KLHL4: variants seen among roughly 807,000 people sequenced by gnomAD.
KLHL4 encodes kelch like family member 4.
In KLHL4, 17 loss-of-function variants were observed where a neutral mutation model predicts 45.8. The observed-to-expected ratio is 0.37, with a 90% CI of 0.25 to 0.56. KLHL4 has a LOEUF of 0.56. Ranked by LOEUF, KLHL4 falls within the 20% of genes least tolerant of loss-of-function variation. KLHL4 has a pLI of 0.79. For missense variants in KLHL4, 544 were observed against 544.9 expected, an observed-to-expected ratio of 1.00 and a Z score of 0.02; for synonymous variants, 224 against 189.9, an observed-to-expected ratio of 1.18 and a Z score of -1.47.
intron 1 of KLHL4, among the ~76,000 whole-genome samples, chrX:87,519,155 T>C (rs1163862367): frequency 3.6e-5 from 4 of 112,068 alleles, no homozygotes; most frequent in African/African-American, 1.3e-4. Flanking sequence ...GCTTTTTCAC[T>C]ATCAGACATT....
chrX:87,663,747 CAAT>C (rs1924277128), intron 9 of KLHL4, among the ~76,000 whole-genome samples: 1 of 112,031 alleles, frequency 8.9e-6, no homozygotes, highest in Non-Finnish European at 1.9e-5. Context: ...ACATGACACT[CAAT>C]GATATAGAAT....
chrX:87,548,081 G>A (rs897859151), intron 1 of KLHL4, among the ~76,000 whole-genome samples: 48 of 110,789 alleles, frequency 4.3e-4, no homozygotes, highest in Non-Finnish European at 7.9e-4. Flanking sequence ...GACTCCCAAA[G>A]GTCAAGTATG....
At chrX:87,623,585 C>A (rs1922829955) in intron 5 of KLHL4, among the ~76,000 whole-genome samples, 1 of 110,752 alleles carries the variant, frequency 9.0e-6, no homozygotes, top group African/African-American at 3.3e-5. Context: ...AGCCACTGTG[C>A]CCAGTTGATT....
At chrX:87,628,833 A>C (rs1407186121) in intron 6 of KLHL4, among the ~76,000 whole-genome samples, 1 of 112,256 alleles carries the variant, frequency 8.9e-6, no homozygotes, top group Non-Finnish European at 1.9e-5. Context: ...AAATACAGAT[A>C]TCACACAAAT....
At chrX:87,652,306 C>T (rs1923844584) in intron 9 of KLHL4, among the ~76,000 whole-genome samples, 1 of 112,394 alleles carries the variant, frequency 8.9e-6, no homozygotes, top group South Asian at 3.7e-4. Flanking sequence ...ACATTCAGCT[C>T]CTCATTACTT....
chrX:87,627,825 T>C (rs1233096448), intron 6 of KLHL4, among the ~76,000 whole-genome samples: 1 of 112,165 alleles, frequency 8.9e-6, no homozygotes, highest in African/African-American at 3.2e-5. Flanking sequence ...ACTTTGTGTT[T>C]GTTTGGTTTT....
intron 6 of KLHL4, among the ~76,000 whole-genome samples, 176 bp downstream of exon 6, chrX:87,625,972 C>A (rs1161949936): frequency 2.7e-5 from 3 of 111,718 alleles, no homozygotes; most frequent in Non-Finnish European, 5.6e-5. Flanking sequence ...TGAGACATAA[C>A]CTTTCAATTA....
chrX:87,532,552 C>A (rs1931318136), intron 1 of KLHL4, among the ~76,000 whole-genome samples: 1 of 104,251 alleles, frequency 9.6e-6, no homozygotes. Flanking sequence ...GATATTGATT[C>A]TTCCTACCCA....
At chrX:87,659,499 TTTCTTGAG>T (rs1190689612) in intron 9 of KLHL4, among the ~76,000 whole-genome samples, 1 of 111,711 alleles carries the variant, frequency 9.0e-6, no homozygotes, top group Non-Finnish European at 1.9e-5. Context: ...CTTACTTCTG[TTTCTTGAG>T]TCTCTCATTG....
At chrX:87,658,503 C>T (rs775988701) in intron 9 of KLHL4, among the ~76,000 whole-genome samples, 12 of 111,283 alleles carry the variant, frequency 1.1e-4, no homozygotes, top group Admixed American at 1.9e-4. Context: ...TCAGATTCAG[C>T]GATTGGTAGT....
chrX:87,656,510 T>G (rs1225346255), intron 9 of KLHL4, among the ~76,000 whole-genome samples: 1 of 109,160 alleles, frequency 9.2e-6, no homozygotes, highest in Non-Finnish European at 1.9e-5. Flanking sequence ...ATTCCTTCAA[T>G]GAATTTTCCT....
At chrX:87,643,873 G>A (rs776770421) in intron 9 of KLHL4, among the ~76,000 whole-genome samples, 4 of 111,591 alleles carry the variant, frequency 3.6e-5, no homozygotes, top group Admixed American at 9.6e-5. Context: ...AAAATTCTCA[G>A]CAGAATCAGC....
At chrX:87,618,279 C>T (rs1377699994) in intron 4 of KLHL4, 151 bp downstream of exon 4, 3 of 383,789 alleles carry the variant, frequency 7.8e-6, no homozygotes, top group Admixed American at 1.0e-4. Context: ...TGCACTCAGG[C>T]AAGCTTTTCC....
At chrX:87,661,712 A>T (rs1394560586) in intron 9 of KLHL4, among the ~76,000 whole-genome samples, 1 of 111,952 alleles carries the variant, frequency 8.9e-6, no homozygotes, top group East Asian at 2.8e-4. Context: ...TACACTCCCA[A>T]ATTTACTAAT....
intron 7 of KLHL4, among the ~76,000 whole-genome samples, chrX:87,633,097 A>G (rs1250383272): frequency 1.8e-5 from 2 of 111,316 alleles, no homozygotes; most frequent in Non-Finnish European, 3.8e-5. Flanking sequence ...GAGCAAGCTT[A>G]TTTTTCAATA....
intron 10 of KLHL4, among the ~76,000 whole-genome samples, 170 bp downstream of exon 10, chrX:87,665,105 G>A (rs764388298): frequency 2.7e-5 from 3 of 111,413 alleles, no homozygotes; most frequent in Admixed American, 9.6e-5. Flanking sequence ...AGTTGATCTA[G>A]TTGATATGAT....
chrX:87,575,162 G>A (rs1485724404), intron 1 of KLHL4, among the ~76,000 whole-genome samples: 2 of 111,919 alleles, frequency 1.8e-5, no homozygotes, highest in Admixed American at 9.5e-5. Flanking sequence ...TCCTGATACA[G>A]GGGTGAGGAC....
At position 87,555,633 on chromosome X, in the gene KLHL4, T is replaced by C. The variant is rs564164644; in HGVS notation, c.422+37318T>C. 2.7e-3 allele frequency among the ~76,000 whole-genome samples: 276 copies of C among 102,037 alleles called. 4 individuals are homozygous for C. In the South Asian group the frequency reaches 0.036, roughly 13 times the overall value. 88.6% of individuals were successfully genotyped at this position (102,037 alleles called of 115,157 possible). On this transcript the variant is annotated intron_variant, in intron 1 of 10. Transcript: ENST00000373119. ...TTTTCTTCTTTATTAGTCTTGCTAGTGGTCTATCAATTTTGTTGATCCTTT... is the reference window on the plus strand; with the variant it reads ...TTTTCTTCTTTATTAGTCTTGCTAGCGGTCTATCAATTTTGTTGATCCTTT...
intron 1 of KLHL4, among the ~76,000 whole-genome samples, chrX:87,549,864 A>G (rs1177336355): frequency 9.0e-6 from 1 of 111,161 alleles, no homozygotes; most frequent in Non-Finnish European, 1.9e-5. Context: ...TTGAAGAACT[A>G]GGAAAGAAAA....
Sources: allele counts gnomAD v4.1 joint callset (sites outside exome capture counted in the v4.1 genomes callset), GRCh38; gene constraint gnomAD v4.1.1; transcripts MANE v1.5; gene names NCBI Gene and HGNC (gene_info 2026-07-23, HGNC 2026-07-21).